Variants in TCERG1L observed in about 807,000 individuals in gnomAD.
TCERG1L encodes the protein transcription elongation regulator 1 like, also known as transcription elongation regulator 1-like protein.
Under a neutral mutation model 56.3 loss-of-function variants are expected in TCERG1L, and 37 were observed. The ratio of observed to expected loss-of-function variants is 0.66; its 90% CI spans 0.51 to 0.87. The LOEUF is 0.87. TCERG1L is among the 40% of genes least tolerant of loss of function. The probability of loss-of-function intolerance (pLI) is 0.00; values close to 1 mark genes in which losing one functional copy is unlikely to be tolerated. For synonymous variants in TCERG1L, 324 were observed against 326.3 expected, an observed-to-expected ratio of 0.99 and a Z score of 0.08; for missense variants, 799 against 774.2, an observed-to-expected ratio of 1.03 and a Z score of -0.38.
At chr10:131,112,775 G>A (rs890840517) in intron 9 of TCERG1L, among the ~76,000 whole-genome samples, 4 of 142,644 alleles carry the variant, frequency 2.8e-5, no homozygotes, top group Admixed American at 6.9e-5. Flanking sequence ...ACGGACACAC[G>A]GAAGGAGACG....
chr10:131,098,269 GC>G, intron 11 of TCERG1L, 36 bp downstream of exon 11: 1 of 1,544,072 alleles, frequency 6.5e-7, no homozygotes. Context: ...TAAGTTCCCA[GC>G]CCCAGAAATC....
intron 3 of TCERG1L, among the ~76,000 whole-genome samples, chr10:131,270,567 A>G (rs1846329845): frequency 6.6e-6 from 1 of 152,210 alleles, no homozygotes; most frequent in South Asian, 2.1e-4. Context: ...GGTTGAGGAG[A>G]GGGTGCGGAG....
intron 4 of TCERG1L, among the ~76,000 whole-genome samples, chr10:131,226,864 C>T (rs182214470): frequency 9.1e-4 from 139 of 152,324 alleles, no homozygotes; most frequent in Admixed American, 8.8e-3. Flanking sequence ...TGGAGGAAAA[C>T]GAAGTATCCT....
At chr10:131,173,817 C>T (rs1403123894) in intron 4 of TCERG1L, among the ~76,000 whole-genome samples, 4 of 152,244 alleles carry the variant, frequency 2.6e-5, no homozygotes, top group African/African-American at 9.6e-5. Context: ...CTACACAGAA[C>T]CTGGCACAGT....
At chr10:131,104,518 T>C (rs1845331890) in intron 9 of TCERG1L, among the ~76,000 whole-genome samples, 164 bp from the exon 10 acceptor site, 1 of 152,196 alleles carries the variant, frequency 6.6e-6, no homozygotes, top group African/African-American at 2.4e-5. Context: ...TGTCAGATGC[T>C]CCAAGAAAAC....
chr10:131,107,748 CAT>C (rs561124757), intron 9 of TCERG1L, among the ~76,000 whole-genome samples: 51 of 152,272 alleles, frequency 3.3e-4, no homozygotes, highest in African/African-American at 1.2e-3. Flanking sequence ...TACACACACA[CAT>C]AAGCACACAC....
chr10:131,296,249 C>T (rs183804908), intron 3 of TCERG1L, among the ~76,000 whole-genome samples: 108 of 152,202 alleles, frequency 7.1e-4, no homozygotes, highest in African/African-American at 2.4e-3. Context: ...TTTGGTTTCA[C>T]GACTCGATCA....
intron 3 of TCERG1L, among the ~76,000 whole-genome samples, chr10:131,282,464 G>A (rs895001430): frequency 2.6e-5 from 4 of 152,126 alleles, no homozygotes; most frequent in African/African-American, 7.2e-5. Flanking sequence ...AGAAACCAGC[G>A]AAAGTAACCT....
chr10:131,128,481 T>C (rs1845584868), intron 8 of TCERG1L, among the ~76,000 whole-genome samples: 1 of 152,080 alleles, frequency 6.6e-6, no homozygotes, highest in African/African-American at 2.4e-5. Context: ...GTTCTATCAT[T>C]GTCTTCTAAA....
chr10:131,177,705 A>T (rs1461275950), intron 4 of TCERG1L, among the ~76,000 whole-genome samples: 2 of 151,870 alleles, frequency 1.3e-5, no homozygotes, highest in Non-Finnish European at 2.9e-5. Context: ...GCAGCCAAAC[A>T]CCCTCTTCCG....
chr10:131,144,070 G>T (rs1362993822), intron 7 of TCERG1L, among the ~76,000 whole-genome samples: 2 of 137,028 alleles, frequency 1.5e-5, no homozygotes, highest in African/African-American at 5.4e-5. Flanking sequence ...ACACGCACAC[G>T]CAGGCACACA....
In TCERG1L at chr10:131,267,513, A is replaced by T. The variant is rs964005240; in HGVS notation, c.671-7069T>A. Among the ~76,000 whole-genome samples the T allele has an allele frequency of 6.6e-6, 1 of 152,248 alleles. No individual in the cohort carries two copies. Among genetic ancestry groups the T allele is most frequent in the East Asian group, 1.9e-4 (1 of 5,166 alleles). On this transcript the variant is annotated intron_variant, in intron 3 of 11. Transcript: ENST00000368642. The surrounding 1 kb of genome is among the most constrained non-coding windows in gnomAD (Gnocchi z 4.9). ...CTGCCTGTCCCAGCTCTGCAAAGTG[A>T]GCAGACCTGGCTGTGCCCTTCTCTG... is the stretch of plus-strand genomic sequence containing the variant.
chr10:131,185,872 AT>A (rs1201723029), intron 4 of TCERG1L, among the ~76,000 whole-genome samples: 1 of 152,240 alleles, frequency 6.6e-6, no homozygotes, highest in Non-Finnish European at 1.5e-5. Context: ...ACCCAAAAGA[AT>A]TGAAAACGGA....
intron 11 of TCERG1L, among the ~76,000 whole-genome samples, chr10:131,096,503 G>A (rs762065621): frequency 2.0e-5 from 3 of 152,242 alleles, no homozygotes; most frequent in Non-Finnish European, 4.4e-5. Context: ...TGAGGATTGT[G>A]TAACTAGCAC....
chr10:131,130,274 A>G (rs1044408480), intron 8 of TCERG1L, among the ~76,000 whole-genome samples: 2 of 152,080 alleles, frequency 1.3e-5, no homozygotes, highest in Non-Finnish European at 2.9e-5. Flanking sequence ...CAGGCAGGGA[A>G]AGACTGCCCT....
intron 3 of TCERG1L, among the ~76,000 whole-genome samples, chr10:131,281,325 C>G (rs997378990): frequency 1.3e-5 from 2 of 152,112 alleles, no homozygotes; most frequent in African/African-American, 4.8e-5. Context: ...GCGTGTCCAC[C>G]GTGCAGCTTT....
At chr10:131,171,995 C>A (rs1423768724) in intron 4 of TCERG1L, among the ~76,000 whole-genome samples, 1 of 152,198 alleles carries the variant, frequency 6.6e-6, no homozygotes, top group Non-Finnish European at 1.5e-5. Flanking sequence ...CAGTATCTCC[C>A]AATGCAAAAA....
chr10:131,252,494 A>C (rs1392398673), intron 4 of TCERG1L, among the ~76,000 whole-genome samples: 1 of 152,038 alleles, frequency 6.6e-6, no homozygotes, highest in Non-Finnish European at 1.5e-5. Flanking sequence ...GGGCAAACAC[A>C]GGCCTGCATG....
intron 4 of TCERG1L, among the ~76,000 whole-genome samples, chr10:131,243,190 G>A (rs565358917): frequency 3.4e-4 from 52 of 152,126 alleles, no homozygotes; most frequent in African/African-American, 1.1e-3. Flanking sequence ...CCACACTCAC[G>A]CCCTGTGAGT....
Sources: allele counts gnomAD v4.1 joint callset (sites outside exome capture counted in the v4.1 genomes callset), GRCh38; gene constraint gnomAD v4.1.1; non-coding constraint Gnocchi (gnomAD v3.1); transcripts MANE v1.5; gene names NCBI Gene and HGNC (gene_info 2026-07-23, HGNC 2026-07-21).